Variants in SYT1 observed in about 807,000 individuals in gnomAD.
SYT1 encodes the protein synaptotagmin-1.
Under a neutral mutation model 44.8 loss-of-function variants are expected in SYT1, and 8 were observed. That is an observed-to-expected ratio of 0.18 (90% CI 0.10 to 0.32). The LOEUF is 0.32. Ranked by LOEUF, SYT1 falls within the 10% of genes least tolerant of loss-of-function variation. SYT1 has a pLI of 1.00. For missense variants in SYT1, 286 were observed against 509.3 expected, an observed-to-expected ratio of 0.56 and a Z score of 4.22; for synonymous variants, 154 against 188.8, an observed-to-expected ratio of 0.82 and a Z score of 1.51.
intron 1 of SYT1, among the ~76,000 whole-genome samples, chr12:78,967,658 G>A (rs756665010): frequency 6.6e-6 from 1 of 152,116 alleles, no homozygotes; most frequent in Non-Finnish European, 1.5e-5. Context: ...ATACCAGCAA[G>A]CCATCTATGA....
intron 9 of SYT1, among the ~76,000 whole-genome samples, chr12:79,442,007 T>A (rs1293362831): frequency 1.3e-5 from 2 of 152,244 alleles, no homozygotes; most frequent in African/African-American, 2.4e-5. Context: ...TGAAACTATC[T>A]TGTTGGGTTT....
intron 4 of SYT1, among the ~76,000 whole-genome samples, chr12:79,234,073 TTC>T (rs1876031404): frequency 6.6e-6 from 1 of 152,120 alleles, no homozygotes. Context: ...AATTCTCTAA[TTC>T]TCTTTCTTTC....
At chr12:79,392,168 A>G (rs998308623) in intron 9 of SYT1, 1 of 152,220 alleles carries the variant, frequency 6.6e-6, no homozygotes, top group Non-Finnish European at 1.5e-5. Flanking sequence ...TTTTTAAAAT[A>G]TATGTTTGAA....
At chr12:78,994,742 G>C (rs60987693) in intron 2 of SYT1, among the ~76,000 whole-genome samples, 1 of 151,670 alleles carries the variant, frequency 6.6e-6, no homozygotes, top group Non-Finnish European at 1.5e-5. Context: ...TCACCTTCTT[G>C]GCCAGGCTGG....
chr12:79,113,994 A>G (rs1348999140), intron 3 of SYT1, among the ~76,000 whole-genome samples: 10 of 152,184 alleles, frequency 6.6e-5, no homozygotes. Context: ...AACAGGAAGC[A>G]TGACATATGT....
chr12:79,402,280 G>A (rs982103966), intron 9 of SYT1, among the ~76,000 whole-genome samples: 2 of 152,158 alleles, frequency 1.3e-5, no homozygotes, highest in South Asian at 2.1e-4. Context: ...TTCTGAAGCT[G>A]CCATGTCCCA....
At chr12:79,261,947 A>G (rs192440404) in intron 4 of SYT1, among the ~76,000 whole-genome samples, 1 of 152,182 alleles carries the variant, frequency 6.6e-6, no homozygotes, top group Non-Finnish European at 1.5e-5. Flanking sequence ...GTTAAATTTC[A>G]CACAGTAAAA....
At chr12:78,998,903 GGTCAATATCTTGA>G (rs1305846578) in intron 2 of SYT1, among the ~76,000 whole-genome samples, 1 of 152,086 alleles carries the variant, frequency 6.6e-6, no homozygotes, top group Non-Finnish European at 1.5e-5. Flanking sequence ...GTGGAAATTT[GGTCAATATCTTGA>G]GTTTCCGTAT....
intron 1 of SYT1, among the ~76,000 whole-genome samples, chr12:78,975,729 T>G (rs1868780884): frequency 6.6e-6 from 1 of 152,200 alleles, no homozygotes; most frequent in African/African-American, 2.4e-5. Flanking sequence ...TATTACTAAC[T>G]CATGTATTTT....
At chr12:79,097,616 C>T (rs1209399599) in intron 3 of SYT1, among the ~76,000 whole-genome samples, 3 of 151,892 alleles carry the variant, frequency 2.0e-5, no homozygotes, top group Non-Finnish European at 4.4e-5. Context: ...AAAACCAACA[C>T]GCTCACAAAC....
chr12:79,036,192 T>C (rs1873122151), intron 2 of SYT1, among the ~76,000 whole-genome samples: 1 of 151,776 alleles, frequency 6.6e-6, no homozygotes, highest in Non-Finnish European at 1.5e-5. Context: ...TTGTCAAGAC[T>C]AAATGAGCAT....
At chr12:79,129,745 T>A (rs751701592) in intron 3 of SYT1, among the ~76,000 whole-genome samples, 24 of 152,180 alleles carry the variant, frequency 1.6e-4, no homozygotes, top group Admixed American at 1.0e-3. Flanking sequence ...CAGTACCTTT[T>A]ATCATCAAAC....
intron 6 of SYT1, among the ~76,000 whole-genome samples, chr12:79,293,350 TA>T (rs1379106833): frequency 2.1e-5 from 1 of 46,520 alleles, no homozygotes; most frequent in African/African-American, 1.4e-4. Flanking sequence ...TAAAATAAAA[TA>T]AAATAAAATA....
At chr12:79,360,010 A>G (rs1526959) in intron 9 of SYT1, among the ~76,000 whole-genome samples, 19,558 of 152,082 alleles carry the variant, frequency 0.13, 2,352 homozygotes, top group African/African-American at 0.32. Flanking sequence ...AATTCAAACC[A>G]AGCTGTGACT....
intron 3 of SYT1, among the ~76,000 whole-genome samples, chr12:79,183,101 T>G (rs933285745): frequency 1.3e-5 from 2 of 152,080 alleles, no homozygotes; most frequent in African/African-American, 4.8e-5. Context: ...TATGTGGAAT[T>G]CACTTTTCTG....
chr12:79,341,915 G>A (rs534351235), intron 8 of SYT1, among the ~76,000 whole-genome samples: 8 of 151,926 alleles, frequency 5.3e-5, no homozygotes, highest in East Asian at 1.9e-4. Context: ...TGATCCACCC[G>A]CCTCGTCATT....
At chr12:79,183,898 A>G (rs1369713366) in intron 3 of SYT1, among the ~76,000 whole-genome samples, 3 of 152,124 alleles carry the variant, frequency 2.0e-5, no homozygotes, top group Non-Finnish European at 2.9e-5. Flanking sequence ...CACAAGCACA[A>G]TCCACAAATT....
intron 1 of SYT1, among the ~76,000 whole-genome samples, chr12:78,896,220 C>T (rs1315834229): frequency 6.6e-6 from 1 of 151,274 alleles, no homozygotes; most frequent in Non-Finnish European, 1.5e-5. Flanking sequence ...TGCTGCTTGC[C>T]CTATTTGAAT....
intron 1 of SYT1, among the ~76,000 whole-genome samples, chr12:78,914,214 G>A (rs981923985): frequency 6.6e-6 from 1 of 151,856 alleles, no homozygotes; most frequent in Non-Finnish European, 1.5e-5. Context: ...GGAAATGATT[G>A]TGGATCTTTT....
Sources: allele counts gnomAD v4.1 joint callset (sites outside exome capture counted in the v4.1 genomes callset), GRCh38; gene constraint gnomAD v4.1.1; transcripts MANE v1.5; gene names NCBI Gene and HGNC (gene_info 2026-07-23, HGNC 2026-07-21).